Variants in KIDINS220 observed in about 807,000 individuals in gnomAD.
KIDINS220 encodes the protein kinase D interacting substrate 220.
KIDINS220 carries 63 observed loss-of-function variants against 157.6 expected under a neutral mutation model. The ratio of observed to expected loss-of-function variants is 0.40; its 90% CI spans 0.33 to 0.49. KIDINS220 has a LOEUF of 0.49. Ranked by LOEUF, KIDINS220 falls within the 20% of genes least tolerant of loss-of-function variation. The pLI is 0.66. For missense variants in KIDINS220, 1,772 were observed against 2,171.2 expected, an observed-to-expected ratio of 0.82 and a Z score of 3.65; for synonymous variants, 732 against 783.6, an observed-to-expected ratio of 0.93 and a Z score of 1.10.
Position 8,733,451 on chromosome 2 carries a change from C to T in KIDINS220, c.4046G>A (p.Ser1349Asn). ...DEGAPRHSNL[S>N]WQSQTRRTPS... ...ATGCCATTCAATAAATACCTGCCAA[C>T]TTAGATTACTGTGACGAGGGGCACC... The change falls in exon 29 of 30, where the codon AGT becomes AAT. Residue 1349 changes from serine to asparagine, a missense_variant. Ser to Asn is a conservative substitution (Grantham distance 46). Around this residue, in one of 3 missense-constraint regions of KIDINS220, gnomAD observed 793 missense variants for 885.5 expected, o/e 0.90. Transcript: ENST00000256707. The T allele has an allele frequency of 6.2e-7, 1 of 1,612,576 alleles. No homozygotes were observed. The highest frequency in any genetic ancestry group is 1.3e-5 in the African/African-American group (1 of 75,016).
rs1317874129 is a variant in KIDINS220 at position 8,788,671 on chromosome 2, T to G, written c.1763A>C (p.Gln588Pro). Reference sequence around the variant, plus strand: ...CCTCACAGGTAAAGCTTTAGTAGTCTGCTCTGGCAACTCAGGTGGATTCAC... The same window carrying G: ...CCTCACAGGTAAAGCTTTAGTAGTCGGCTCTGGCAACTCAGGTGGATTCAC... ...MFVNPPELPE[Q>P]TTKALPVRFL... The change falls in exon 15 of 30, where the codon CAG becomes CCG. Residue 588 changes from glutamine to proline, a missense_variant. Gln to Pro is a moderately conservative substitution (Grantham distance 76). Transcript: ENST00000256707. 6.2e-7 allele frequency: 1 copy of G among 1,614,180 alleles called. No individual in the cohort carries two copies. Among genetic ancestry groups the G allele is most frequent in the South Asian group, 1.1e-5 (1 of 91,084 alleles).
At chr2:8,832,141 C>T (rs1679729880) in intron 1 of KIDINS220, among the ~76,000 whole-genome samples, 1 of 152,172 alleles carries the variant, frequency 6.6e-6, no homozygotes, top group South Asian at 2.1e-4. Flanking sequence ...CTAACATCAT[C>T]TCGAATCTTC....
At chr2:8,734,801 T>TTTCAC in intron 27 of KIDINS220, 48 bp from the exon 28 acceptor site, 14 of 1,308,972 alleles carry the variant, frequency 1.1e-5, no homozygotes, top group East Asian at 2.3e-5. Context: ...GAATGTGAAA[T>TTTCAC]ATTCTGAATT....
At chr2:8,786,065 A>G in intron 16 of KIDINS220, 35 bp from the exon 17 acceptor site, 1 of 1,571,618 alleles carries the variant, frequency 6.4e-7, no homozygotes, top group Non-Finnish European at 8.6e-7. Context: ...TAATTAACAT[A>G]TCAAGGATCT....
At chr2:8,813,045 T>G (rs1350089833) in intron 5 of KIDINS220, among the ~76,000 whole-genome samples, 192 bp downstream of exon 5, 2 of 152,220 alleles carry the variant, frequency 1.3e-5, no homozygotes, top group East Asian at 3.8e-4. Context: ...GCCTTTTTGC[T>G]GACAACAATT....
At chr2:8,763,116 G>T (rs1668995764) in intron 22 of KIDINS220, among the ~76,000 whole-genome samples, 1 of 152,090 alleles carries the variant, frequency 6.6e-6, no homozygotes. Flanking sequence ...AAATCTATCT[G>T]GAAATTAAAA....
chr2:8,756,388 T>C (rs1668015942), intron 22 of KIDINS220, among the ~76,000 whole-genome samples: 1 of 152,220 alleles, frequency 6.6e-6, no homozygotes, highest in Non-Finnish European at 1.5e-5. Context: ...GGGATTTTTC[T>C]ATATATAGAA....
chr2:8,757,485 T>C, intron 22 of KIDINS220: 1 of 1,392,788 alleles, frequency 7.2e-7, no homozygotes, highest in South Asian at 1.5e-5. Flanking sequence ...GCCGTCTTCA[T>C]TTCAGAGGAG....
At chr2:8,755,967 T>G (rs963543583) in intron 22 of KIDINS220, among the ~76,000 whole-genome samples, 1 of 152,244 alleles carries the variant, frequency 6.6e-6, no homozygotes, top group African/African-American at 2.4e-5. Flanking sequence ...TGAGGTGTCT[T>G]GCAATTGCAT....
downstream of KIDINS220, chr2:8,722,713 A>C (rs181799922): frequency 4.5e-4 from 68 of 152,282 alleles, 1 homozygote; most frequent in African/African-American, 1.0e-3. Context: ...AAAGCTGTGA[A>C]ACTTCACCTT....
chr2:8,835,700 T>C (rs78447570), intron 1 of KIDINS220, among the ~76,000 whole-genome samples: 5,529 of 148,220 alleles, frequency 0.037, 163 homozygotes, highest in Non-Finnish European at 0.06. Flanking sequence ...CAGGGAGATG[T>C]AGAAAATGGA....
Position 8,729,152 on chromosome 2 carries a change from C to T in KIDINS220, c.*1568G>A, listed in dbSNP as rs189552129. The T allele has an allele frequency of 3.0e-6, 3 of 984,130 alleles. No individual in the cohort carries two copies. The African/African-American group carries it at 5.2e-5, about 17-fold the overall frequency. The allele number at this position is 984,130 out of a possible 1,614,324, so 61.0% of individuals were successfully genotyped here. A position where few individuals can be genotyped will look rare whatever the true frequency, so the allele number is the denominator to read the frequency against. ...CTTCAGTGTATAATGTCAATAACAT[C>T]CTGCCTTTTTAAAATTGCTTAAAAC... On this transcript the variant is annotated 3_prime_UTR_variant, in exon 30 of 30. Coordinates refer to ENST00000256707, the MANE Select transcript of KIDINS220 (RefSeq NM_020738.4).
At chr2:8,757,135 T>G in intron 22 of KIDINS220, 12 of 400,120 alleles carry the variant, frequency 3.0e-5, no homozygotes, top group Non-Finnish European at 4.1e-5. Context: ...AAAAAAAGAG[T>G]TAAGATATTT....
At chr2:8,832,604 G>C (rs907579456) in intron 1 of KIDINS220, among the ~76,000 whole-genome samples, 3 of 152,130 alleles carry the variant, frequency 2.0e-5, no homozygotes, top group Admixed American at 2.0e-4. Context: ...GGACTAAAAG[G>C]AGGAGATGAT....
At chr2:8,770,201 T>A (rs933587573) in intron 22 of KIDINS220, among the ~76,000 whole-genome samples, 1 of 151,944 alleles carries the variant, frequency 6.6e-6, no homozygotes, top group African/African-American at 2.4e-5. Flanking sequence ...CCCAGGAGTT[T>A]AAGACCAGCC....
intron 26 of KIDINS220, among the ~76,000 whole-genome samples, chr2:8,743,677 C>A (rs1364779271): frequency 1.3e-5 from 2 of 152,210 alleles, no homozygotes; most frequent in Non-Finnish European, 2.9e-5. Context: ...AAATCTGGCA[C>A]CCCTTTCCTG....
intron 22 of KIDINS220, among the ~76,000 whole-genome samples, chr2:8,765,563 T>C (rs1572560176): frequency 6.6e-6 from 1 of 152,204 alleles, no homozygotes; most frequent in Non-Finnish European, 1.5e-5. Context: ...AAAGGGAAAT[T>C]AGTCTTATAA....
chr2:8,757,779 C>T, intron 22 of KIDINS220: 1 of 1,610,158 alleles, frequency 6.2e-7, no homozygotes, highest in Non-Finnish European at 8.5e-7. Context: ...ACTGTCTGCT[C>T]CACAGCATCT....
rs530924411 is a variant in KIDINS220, at chr2:8,774,069, G to A, written c.2848+2679C>T. On this transcript the variant is annotated intron_variant, in intron 21 of 29. Transcript: ENST00000256707. ...GCCTGTAATCCCAGCACTTTGGGAG[G>A]CCGAGGCGGGCGGATCAGGAGTTCA... Among the ~76,000 whole-genome samples the A allele has an allele frequency of 5.3e-5, 8 of 152,256 alleles. 1 individual carries two copies. The highest frequency in any genetic ancestry group is 1.9e-4 in the African/African-American group (8 of 41,556).
Sources: allele counts gnomAD v4.1 joint callset (sites outside exome capture counted in the v4.1 genomes callset), GRCh38; gene constraint gnomAD v4.1.1; regional missense constraint gnomAD v4.1.1; transcripts MANE v1.5; gene names NCBI Gene and HGNC (gene_info 2026-07-23, HGNC 2026-07-21).